Variants in GNPTAB observed in about 807,000 individuals in gnomAD.
GNPTAB encodes N-acetylglucosamine-1-phosphotransferase subunits alpha/beta.
In GNPTAB, 92 loss-of-function variants were observed where a neutral mutation model predicts 136.6. That is an observed-to-expected ratio of 0.67 (90% CI 0.57 to 0.80). The LOEUF (loss-of-function observed/expected upper bound fraction) is 0.80, where lower values mean the gene tolerates loss of function less well. Ranked by LOEUF, GNPTAB falls within the 30% of genes least tolerant of loss-of-function variation. The pLI, the probability that GNPTAB is intolerant of heterozygous loss-of-function variation, is 0.00. For synonymous variants in GNPTAB, 512 were observed against 535.1 expected (o/e 0.96, Z 0.60); for missense variants, 1,343 against 1,501.8 (o/e 0.89, Z 1.75).
chr12:101,772,556 A>G (rs925166604), intron 7 of GNPTAB, among the ~76,000 whole-genome samples: 1 of 152,052 alleles, frequency 6.6e-6, no homozygotes, highest in Non-Finnish European at 1.5e-5. Context: ...CTGACTCACC[A>G]CTTTCACCTC....
At chr12:101,813,586 T>C (rs1006389528) in intron 1 of GNPTAB, among the ~76,000 whole-genome samples, 1 of 124,110 alleles carries the variant, frequency 8.1e-6, no homozygotes, top group Non-Finnish European at 1.9e-5. Flanking sequence ...GTGGCTTATA[T>C]TTGTATTTGC....
At chr12:101,826,950 G>GT (rs902178707) in intron 1 of GNPTAB, among the ~76,000 whole-genome samples, 2,995 of 62,378 alleles carry the variant, frequency 0.048, 583 homozygotes, top group South Asian at 0.081. Context: ...TGTGGGAGTT[G>GT]TTTTTTTTTT....
At chr12:101,792,800 C>G (rs1869065246) in intron 2 of GNPTAB, among the ~76,000 whole-genome samples, 1 of 152,208 alleles carries the variant, frequency 6.6e-6, no homozygotes, top group African/African-American at 2.4e-5. Context: ...TGTTATCATG[C>G]ATTCTGTGCC....
intron 1 of GNPTAB, among the ~76,000 whole-genome samples, chr12:101,828,943 T>C (rs898127494): frequency 3.9e-5 from 6 of 152,368 alleles, no homozygotes; most frequent in Admixed American, 1.3e-4. Context: ...ATGATCATTA[T>C]CAACTGGAGT....
At position 101,789,935 on chromosome 12, in the gene GNPTAB, T is replaced by C. The variant is rs1381648231; in HGVS notation, c.323+3A>G. ...CTGATGTGAAAAAAAAAATCAGTTT[T>C]ACCTCATTGCTTTCTGCTCCTCCTC... On this transcript the variant is annotated splice_donor_region_variant and intron_variant, in intron 3 of 20. Transcript: ENST00000299314. 1 of 1,614,164 alleles carries C rather than the reference T, an allele frequency of 6.2e-7. No homozygotes were observed. Among genetic ancestry groups the C allele is most frequent in the Non-Finnish European group, 8.5e-7 (1 of 1,179,966 alleles).
chr12:101,807,807 G>T (rs762326934), intron 1 of GNPTAB, among the ~76,000 whole-genome samples: 1 of 152,142 alleles, frequency 6.6e-6, no homozygotes, highest in African/African-American at 2.4e-5. Flanking sequence ...GCGCACACTT[G>T]TAGTCCCAGC....
intron 1 of GNPTAB, among the ~76,000 whole-genome samples, chr12:101,803,864 T>G (rs564787456): frequency 1.1e-3 from 170 of 152,050 alleles, no homozygotes; most frequent in African/African-American, 4.0e-3. Flanking sequence ...TTTATGGAAA[T>G]AAAGGAGTAG....
chr12:101,783,558 G>C (rs1012465459), intron 5 of GNPTAB, among the ~76,000 whole-genome samples: 3 of 152,152 alleles, frequency 2.0e-5, no homozygotes, highest in Non-Finnish European at 4.4e-5. Flanking sequence ...AAATCAAAAA[G>C]TATAAGCTTG....
intron 2 of GNPTAB, among the ~76,000 whole-genome samples, chr12:101,793,829 C>CTTAT (rs574103129): frequency 1.2e-3 from 187 of 152,056 alleles, no homozygotes; most frequent in South Asian, 4.4e-3. Flanking sequence ...TTTTGTCTTA[C>CTTAT]TTATTTATTT....
chr12:101,764,905 T>C lies in GNPTAB; in HGVS notation c.2012A>G (p.Lys671Arg), dbSNP rs145408865. The change falls in exon 13 of 21, where the codon AAA becomes AGA. Residue 671 changes from lysine to arginine, a missense_variant. By Grantham distance (26) the Lys-to-Arg change is conservative. Transcript: ENST00000299314. ...CTTAAACTTCGGGAAGCGTTTTTCT[T>C]TGGGAATATCCTCAAAAAGGATTTC... ...EAEILFEDIP[K>R]EKRFPKFKRH... 6.2e-7 allele frequency: 1 copy of C among 1,614,200 alleles called. No homozygotes were observed. The highest frequency in any genetic ancestry group is 1.7e-5 in the Admixed American group (1 of 60,030).
At chr12:101,809,404 A>T (rs1347519704) in intron 1 of GNPTAB, among the ~76,000 whole-genome samples, 1 of 152,236 alleles carries the variant, frequency 6.6e-6, no homozygotes, top group Non-Finnish European at 1.5e-5. Flanking sequence ...ACATAGGCTT[A>T]TCACAGTCAT....
At chr12:101,793,758 T>C (rs1869124269) in intron 2 of GNPTAB, among the ~76,000 whole-genome samples, 1 of 152,248 alleles carries the variant, frequency 6.6e-6, no homozygotes, top group East Asian at 1.9e-4. Flanking sequence ...TAAAGCCACT[T>C]AACAGTCCCT....
chr12:101,793,824 TCTTA>T (rs893486323), intron 2 of GNPTAB, among the ~76,000 whole-genome samples: 13 of 152,250 alleles, frequency 8.5e-5, no homozygotes, highest in Admixed American at 2.6e-4. Flanking sequence ...TAGTATTTTG[TCTTA>T]CTTATTTATT....
intron 4 of GNPTAB, 130 bp downstream of exon 4, chr12:101,788,418 C>T: frequency 1.4e-6 from 1 of 711,318 alleles, no homozygotes; most frequent in Non-Finnish European, 2.6e-6. Flanking sequence ...ATAGATGTAC[C>T]TAATTTGGGG....
At chr12:101,762,478 AC>A (rs1306236770) in intron 13 of GNPTAB, among the ~76,000 whole-genome samples, 1 of 152,218 alleles carries the variant, frequency 6.6e-6, no homozygotes, top group Non-Finnish European at 1.5e-5. Flanking sequence ...TAGTAATTCT[AC>A]CTGCAGAACT....
chr12:101,780,412 A>T, intron 6 of GNPTAB, 126 bp from the exon 7 acceptor site: 1 of 1,137,950 alleles, frequency 8.8e-7, no homozygotes, highest in Non-Finnish European at 1.3e-6. Flanking sequence ...TTTTAGGATT[A>T]CTTGAATCAA....
intron 7 of GNPTAB, among the ~76,000 whole-genome samples, chr12:101,777,810 A>G (rs1297724536): frequency 1.3e-5 from 2 of 152,224 alleles, no homozygotes; most frequent in African/African-American, 4.8e-5. Context: ...AAATGCTGAC[A>G]CTGCGTCTGT....
chr12:101,769,987 A>G (rs1953146416), intron 10 of GNPTAB, 34 bp downstream of exon 10: 12 of 1,602,464 alleles, frequency 7.5e-6, no homozygotes, highest in Non-Finnish European at 1.0e-5. Context: ...AGTGACTTCC[A>G]CGCTAGACAA....
At chr12:101,747,952 G>C (rs1176487057) in intron 20 of GNPTAB, among the ~76,000 whole-genome samples, 1 of 152,190 alleles carries the variant, frequency 6.6e-6, no homozygotes, top group Non-Finnish European at 1.5e-5. Context: ...GGTATAGATA[G>C]AGGAAAGACT....
Sources: allele counts gnomAD v4.1 joint callset (sites outside exome capture counted in the v4.1 genomes callset), GRCh38; gene constraint gnomAD v4.1.1; transcripts MANE v1.5; gene names NCBI Gene and HGNC (gene_info 2026-07-23, HGNC 2026-07-21).